The following DYNC1I1 variants were observed in gnomAD, a reference collection of about 807,000 sequenced individuals.
The protein encoded by DYNC1I1 is cytoplasmic dynein 1 intermediate chain 1.
In DYNC1I1, 43 loss-of-function variants were observed where a neutral mutation model predicts 86.6. The ratio of observed to expected loss-of-function variants is 0.50; its 90% CI spans 0.39 to 0.64. DYNC1I1 has a LOEUF of 0.64. Among genes scored for constraint, DYNC1I1 ranks in the 30% least tolerant of loss-of-function variants. The probability of loss-of-function intolerance (pLI) is 0.00; values close to 1 mark genes in which losing one functional copy is unlikely to be tolerated. For synonymous variants in DYNC1I1, 262 were observed against 283.7 expected, an observed-to-expected ratio of 0.92 and a Z score of 0.77; for missense variants, 604 against 788.8, an observed-to-expected ratio of 0.77 and a Z score of 2.81.
At chr7:95,983,268 T>C (rs1793500420) in intron 7 of DYNC1I1, among the ~76,000 whole-genome samples, 1 of 152,182 alleles carries the variant, frequency 6.6e-6, no homozygotes, top group Admixed American at 6.6e-5. Flanking sequence ...CACTGGAATA[T>C]TTAGGGCTCT....
chr7:95,993,267 A>T (rs1793775351), intron 9 of DYNC1I1, among the ~76,000 whole-genome samples: 1 of 152,222 alleles, frequency 6.6e-6, no homozygotes, highest in Non-Finnish European at 1.5e-5. Flanking sequence ...TATAGAAATT[A>T]TGCCAATGAC....
At chr7:96,002,689 G>T (rs1259242006) in intron 10 of DYNC1I1, among the ~76,000 whole-genome samples, 7 of 152,140 alleles carry the variant, frequency 4.6e-5, no homozygotes, top group African/African-American at 1.4e-4. Flanking sequence ...TGAATGGGGG[G>T]TTGTGACTGA....
chr7:95,853,694 TA>T (rs1789640796), intron 5 of DYNC1I1, among the ~76,000 whole-genome samples: 1 of 152,204 alleles, frequency 6.6e-6, no homozygotes, highest in African/African-American at 2.4e-5. Flanking sequence ...TTGTGTAATT[TA>T]AACCTTATGT....
intron 6 of DYNC1I1, among the ~76,000 whole-genome samples, chr7:95,879,246 C>A (rs1790388117): frequency 2.0e-5 from 3 of 152,026 alleles, no homozygotes; most frequent in Admixed American, 2.0e-4. Context: ...ATTTAAATAG[C>A]AGTGATATAA....
chr7:96,000,060 T>C (rs1382244290), intron 10 of DYNC1I1, among the ~76,000 whole-genome samples: 1 of 152,230 alleles, frequency 6.6e-6, no homozygotes. Context: ...AACTTGCTTA[T>C]GGCCCATCTG....
intron 1 of DYNC1I1, among the ~76,000 whole-genome samples, chr7:95,785,361 C>T (rs1794102764): frequency 6.6e-6 from 1 of 152,082 alleles, no homozygotes; most frequent in Non-Finnish European, 1.5e-5. Context: ...TTGCAGTGAG[C>T]CAAGATTGCG....
intron 1 of DYNC1I1, among the ~76,000 whole-genome samples, chr7:95,791,933 G>A (rs1187362963): frequency 6.6e-6 from 1 of 152,150 alleles, no homozygotes; most frequent in East Asian, 1.9e-4. Flanking sequence ...TGCATAATGA[G>A]GAAAAATTTC....
intron 6 of DYNC1I1, among the ~76,000 whole-genome samples, chr7:95,900,614 A>G (rs1189052171): frequency 6.6e-6 from 1 of 152,096 alleles, no homozygotes; most frequent in African/African-American, 2.4e-5. Context: ...CTCACCATTA[A>G]AACTCATTTT....
intron 4 of DYNC1I1, among the ~76,000 whole-genome samples, chr7:95,816,135 G>A (rs927418174): frequency 2.0e-5 from 3 of 151,556 alleles, no homozygotes; most frequent in African/African-American, 4.9e-5. Context: ...CTCCTGCCTC[G>A]GCCTCCTGAG....
At chr7:95,800,455 G>T (rs556646230) in intron 1 of DYNC1I1, among the ~76,000 whole-genome samples, 1 of 152,224 alleles carries the variant, frequency 6.6e-6, no homozygotes, top group East Asian at 1.9e-4. Flanking sequence ...AATGAAGCTG[G>T]GTGACAGTGA....
chr7:96,097,441 AAGATATCTT>A, intron 16 of DYNC1I1, 33 bp from the exon 17 acceptor site: 2 of 1,610,002 alleles, frequency 1.2e-6, no homozygotes, highest in Non-Finnish European at 1.7e-6. Flanking sequence ...TCAGACATGA[AAGATATCTT>A]GTTCATCATT....
intron 6 of DYNC1I1, among the ~76,000 whole-genome samples, chr7:95,909,261 C>CGGG (rs1791265306): frequency 7.2e-5 from 1 of 13,902 alleles, no homozygotes. Flanking sequence ...GGGGGCGGGG[C>CGGG]GGGAAGGGAA....
chr7:95,778,233 C>T (rs372329667), intron 1 of DYNC1I1, among the ~76,000 whole-genome samples: 1 of 152,098 alleles, frequency 6.6e-6, no homozygotes, highest in African/African-American at 2.4e-5. Context: ...AAAGGGGCCC[C>T]GAATAATTCT....
At chr7:95,804,139 G>A (rs1215114547) in intron 1 of DYNC1I1, 4 of 200,774 alleles carry the variant, frequency 2.0e-5, no homozygotes, top group Non-Finnish European at 4.1e-5. Context: ...GACACTTCAG[G>A]AGTTTTACCG....
intron 14 of DYNC1I1, among the ~76,000 whole-genome samples, chr7:96,063,421 C>T (rs1182260581): frequency 6.6e-6 from 1 of 151,984 alleles, no homozygotes; most frequent in East Asian, 1.9e-4. Flanking sequence ...TTAGGGCTGC[C>T]ATAACAAACT....
chr7:95,778,793 T>C (rs1793910897), intron 1 of DYNC1I1, among the ~76,000 whole-genome samples: 1 of 152,032 alleles, frequency 6.6e-6, no homozygotes, highest in Non-Finnish European at 1.5e-5. Context: ...TCCAAGTAAC[T>C]GGGACTACAG....
rs1789057474 is a variant in DYNC1I1 at position 95,835,501 on chromosome 7, A to T, written c.374+7385A>T. 2.6e-5 allele frequency among the ~76,000 whole-genome samples: 4 copies of T among 151,312 alleles called. No homozygotes were observed. In the South Asian group the frequency reaches 8.4e-4, roughly 32 times the overall value. On this transcript the variant is annotated intron_variant, in intron 5 of 16. Transcript: ENST00000447467. ...TGTCTATTAGGTCTGCTTGGTGCAGAGCTGAGTTCAATTCCTGGGTACCCT... is the reference window on the plus strand; with the variant it reads ...TGTCTATTAGGTCTGCTTGGTGCAGTGCTGAGTTCAATTCCTGGGTACCCT...
chr7:95,852,775 G>T (rs1789615507), intron 5 of DYNC1I1, among the ~76,000 whole-genome samples: 1 of 152,054 alleles, frequency 6.6e-6, no homozygotes, highest in Admixed American at 6.5e-5. Flanking sequence ...TGAAGTGCTG[G>T]GATTACAGGC....
At chr7:96,105,217 T>C (rs1412902483) in intron 16 of DYNC1I1, among the ~76,000 whole-genome samples, 1 of 152,042 alleles carries the variant, frequency 6.6e-6, no homozygotes, top group Non-Finnish European at 1.5e-5. Flanking sequence ...TAGATTTTTT[T>C]AGATATAATT....
Sources: allele counts gnomAD v4.1 joint callset (sites outside exome capture counted in the v4.1 genomes callset), GRCh38; gene constraint gnomAD v4.1.1; transcripts MANE v1.5; gene names NCBI Gene and HGNC (gene_info 2026-07-23, HGNC 2026-07-21).